CTDSP2: variants seen among roughly 807,000 people sequenced by gnomAD.
CTDSP2 encodes the protein carboxy-terminal domain RNA polymerase II polypeptide A small phosphatase 2.
CTDSP2 carries 9 observed loss-of-function variants against 31.6 expected under a neutral mutation model. The observed-to-expected ratio is 0.28, with a 90% confidence interval of 0.17 to 0.50. The LOEUF is 0.50. CTDSP2 is among the 20% of genes least tolerant of loss of function. CTDSP2 has a pLI of 0.98. For missense variants in CTDSP2, 267 were observed against 348.5 expected, an observed-to-expected ratio of 0.77 and a Z score of 1.86; for synonymous variants, 134 against 134.5, an observed-to-expected ratio of 1.00 and a Z score of 0.03.
rs752958529 is a variant in CTDSP2 at position 57,829,434 on chromosome 12, C to G, written c.213+14G>C. 1 of 1,611,500 alleles carries G rather than the reference C, an allele frequency of 6.2e-7. No individual in the cohort carries two copies. The highest frequency in any genetic ancestry group is 8.5e-7 in the Non-Finnish European group (1 of 1,177,870). On this transcript the variant is annotated intron_variant, in intron 2 of 7. Transcript: ENST00000398073. ...CCCTTCATTGCTGGCATCTTACCACCCCAACCCACCTACCTTAGCAATGGT... is the reference window on the plus strand; with the variant it reads ...CCCTTCATTGCTGGCATCTTACCACGCCAACCCACCTACCTTAGCAATGGT...
intron 2 of CTDSP2, 98 bp downstream of exon 2, chr12:57,829,350 C>T: frequency 7.0e-7 from 1 of 1,428,344 alleles, no homozygotes; most frequent in Non-Finnish European, 9.7e-7. Context: ...ATCTTTGCAA[C>T]TTCAGGCAAA....
chr12:57,828,100 C>A (rs1043030476), intron 2 of CTDSP2, among the ~76,000 whole-genome samples: 2 of 152,082 alleles, frequency 1.3e-5, no homozygotes, highest in Non-Finnish European at 2.9e-5. Context: ...GATCAGCAAG[C>A]CCCCCACCCC....
At chr12:57,834,831 A>G (rs1421118559) in intron 1 of CTDSP2, among the ~76,000 whole-genome samples, 1 of 152,102 alleles carries the variant, frequency 6.6e-6, no homozygotes, top group Non-Finnish European at 1.5e-5. Flanking sequence ...AAACAGAACA[A>G]AAAAACAGAG....
intron 1 of CTDSP2, chr12:57,842,302 A>C (rs577313771): frequency 6.6e-6 from 1 of 152,320 alleles, no homozygotes; most frequent in East Asian, 1.9e-4. Flanking sequence ...TGACTTCTTT[A>C]GTATTTACCA....
chr12:57,826,323 G>C, intron 5 of CTDSP2, 23 bp downstream of exon 5: 1 of 1,612,440 alleles, frequency 6.2e-7, no homozygotes, highest in East Asian at 2.2e-5. Context: ...TCTGGGCTGG[G>C]TGTGGTCTGG....
At chr12:57,828,786 T>C (rs1429735788) in intron 2 of CTDSP2, among the ~76,000 whole-genome samples, 1 of 152,270 alleles carries the variant, frequency 6.6e-6, no homozygotes, top group Non-Finnish European at 1.5e-5. Flanking sequence ...TTCAGAGAAG[T>C]ACCACTGGCT....
At chr12:57,846,089 G>C (rs1190502477) in intron 1 of CTDSP2, among the ~76,000 whole-genome samples, 2 of 152,304 alleles carry the variant, frequency 1.3e-5, no homozygotes, top group South Asian at 2.1e-4. Flanking sequence ...CCAGTGCTTC[G>C]AGAGCTACCC....
At position 57,834,952 on chromosome 12, in the gene CTDSP2, G is replaced by A. The variant is rs371404095; in HGVS notation, c.65-5356C>T. On this transcript the variant is annotated intron_variant, in intron 1 of 7. Transcript: ENST00000398073. ...AGCCTGACCAACATGGAGAAACCCC[G>A]TCTCTACTAAAAATACAAAATTAGC... 2.2e-4 allele frequency among the ~76,000 whole-genome samples: 33 copies of A among 152,214 alleles called. No individual in the cohort carries two copies. The South Asian group carries it at 3.5e-3, about 16-fold the overall frequency.
At chr12:57,824,175 C>T (rs879069221) in intron 6 of CTDSP2, 52 bp downstream of exon 6, 1 of 1,607,444 alleles carries the variant, frequency 6.2e-7, no homozygotes, top group South Asian at 1.1e-5. Context: ...TGCTGGACCA[C>T]CCCCGTGGCC....
At chr12:57,833,334 C>T (rs961108552) in intron 1 of CTDSP2, among the ~76,000 whole-genome samples, 3 of 152,154 alleles carry the variant, frequency 2.0e-5, no homozygotes, top group African/African-American at 4.8e-5. Context: ...CCAATGTGGC[C>T]GGCAGCCCCT....
At chr12:57,846,197 C>T (rs752374581) in intron 1 of CTDSP2, among the ~76,000 whole-genome samples, 175 bp downstream of exon 1, 3 of 152,194 alleles carry the variant, frequency 2.0e-5, no homozygotes, top group Non-Finnish European at 4.4e-5. Flanking sequence ...CCCGTGCAAC[C>T]CCCACGGAGG....
rs1189053387 is a variant in CTDSP2 at position 57,835,828 on chromosome 12, G to GTCA, written c.65-6233_65-6232insTGA. Among the ~76,000 whole-genome samples the GTCA allele has an allele frequency of 2.0e-5, 3 of 152,276 alleles. No homozygotes were observed. In the East Asian group the frequency reaches 5.8e-4, roughly 29 times the overall value. On this transcript the variant is annotated intron_variant, in intron 1 of 7. Transcript: ENST00000398073. ...GATGTGAGGAGTATGCCCCCACTGA[G>GTCA]GATCATCAGGGCTGGGGTCCAGGCT...
rs1012735542 is a variant in CTDSP2 at position 57,846,715 on chromosome 12, G to A, written c.-280C>T. On this transcript the variant is annotated 5_prime_UTR_variant, in exon 1 of 8. Coordinates refer to ENST00000398073, the MANE Select transcript of CTDSP2 (RefSeq NM_005730.4). The stretch of plus-strand genomic sequence containing the variant: ...GTTTGGGTCCAACATGGAGAATCCG[G>A]AGCGAAAACAAGAGGAGGAAATGGG... 51 of 349,808 alleles carry A rather than the reference G, an allele frequency of 1.5e-4. No homozygotes were observed. The highest frequency in any genetic ancestry group is 2.5e-4 in the Non-Finnish European group (48 of 195,878). 21.7% of individuals were successfully genotyped at this position (349,808 alleles called of 1,614,324 possible).
chr12:57,836,680 G>A (rs1956249742), intron 1 of CTDSP2, among the ~76,000 whole-genome samples: 1 of 151,684 alleles, frequency 6.6e-6, no homozygotes, highest in Non-Finnish European at 1.5e-5. Context: ...ACGTGAACAC[G>A]TGCACACATA....
chr12:57,827,054 T>C lies in CTDSP2; in HGVS notation c.296A>G (p.Gln99Arg). 1.2e-6 allele frequency: 2 copies of C among 1,613,930 alleles called. No homozygotes were observed. Among genetic ancestry groups the C allele is most frequent in the Non-Finnish European group, 1.7e-6 (2 of 1,180,000 alleles). ...CLLPEVTEED[Q>R]GRICVVIDLD... ...GTCAATGACCACACAGATCCTTCCT[T>C]GATCTTCCTCTGTCACCTCTGGGAG... The change falls in exon 4 of 8, where the codon CAA becomes CGA. Residue 99 changes from glutamine (Q) to arginine (R), a missense_variant. This residue lies in a region of CTDSP2 where 156 missense variants were observed against 241.3 expected (regional missense o/e 0.65). Coordinates refer to ENST00000398073, the MANE Select transcript of CTDSP2 (RefSeq NM_005730.4).
rs1413258041 is a variant in CTDSP2 at position 57,835,324 on chromosome 12, G to C, written c.65-5728C>G. Among the ~76,000 whole-genome samples the C allele has an allele frequency of 2.0e-5, 3 of 148,466 alleles. No individual in the cohort carries two copies. In the East Asian group the frequency reaches 6.0e-4, roughly 30 times the overall value. ...GCCTGGGCAACAAGAGCGAAAATCC[G>C]TCTCAAAAAAAAAAAAGGGATGAGG... On this transcript the variant is annotated intron_variant, in intron 1 of 7. Coordinates refer to ENST00000398073, the MANE Select transcript of CTDSP2 (RefSeq NM_005730.4).
At chr12:57,836,831 C>T (rs1431630784) in intron 1 of CTDSP2, among the ~76,000 whole-genome samples, 1 of 152,196 alleles carries the variant, frequency 6.6e-6, no homozygotes, top group Non-Finnish European at 1.5e-5. Flanking sequence ...TGCGATTCAG[C>T]AGAAGGTAAC....
intron 1 of CTDSP2, among the ~76,000 whole-genome samples, chr12:57,845,147 C>T (rs1350221370): frequency 6.6e-6 from 1 of 152,142 alleles, no homozygotes; most frequent in Non-Finnish European, 1.5e-5. Context: ...CGGCCCTTCG[C>T]GCTCGGTGGA....
chr12:57,826,394 G>A lies in CTDSP2; in HGVS notation c.363C>T (p.Asn121=). 1 of 1,614,156 alleles carries A rather than the reference G, an allele frequency of 6.2e-7. No individual in the cohort carries two copies. The highest frequency in any genetic ancestry group is 8.5e-7 in the Non-Finnish European group (1 of 1,180,014). Residue 121 remains asparagine, a synonymous_variant, in exon 5 of 8, where the codon AAC becomes AAT. Transcript: ENST00000398073. ...TLVHSSFKPI[N]NADFIVPIEI... ...CTATAGGCACTATGAAGTCAGCATT[G>A]TTGATTGGCTGGAAGGCAGAAAAGT...
Sources: allele counts gnomAD v4.1 joint callset (sites outside exome capture counted in the v4.1 genomes callset), GRCh38; gene constraint gnomAD v4.1.1; regional missense constraint gnomAD v4.1.1; transcripts MANE v1.5; gene names NCBI Gene and HGNC (gene_info 2026-07-23, HGNC 2026-07-21).